RAVER2: variants seen among roughly 807,000 people sequenced by gnomAD.
The protein encoded by RAVER2 is ribonucleoprotein PTB-binding 2.
In RAVER2, 46 loss-of-function variants were observed where a neutral mutation model predicts 78.1. That is an observed-to-expected ratio of 0.59 (90% confidence interval 0.46 to 0.75). The LOEUF (loss-of-function observed/expected upper bound fraction) is 0.75, where lower values mean the gene tolerates loss of function less well. Ranked by LOEUF, RAVER2 falls within the 30% of genes least tolerant of loss-of-function variation. The probability of loss-of-function intolerance (pLI) is 0.00; values close to 1 mark genes in which losing one functional copy is unlikely to be tolerated. For synonymous variants in RAVER2, 311 were observed against 313.3 expected (o/e 0.99, Z 0.08); for missense variants, 793 against 837.5 (o/e 0.95, Z 0.66).
chr1:64,781,406 T>C, exon 4 of RAVER2: 1 of 1,611,234 alleles, frequency 6.2e-7, no homozygotes, highest in Non-Finnish European at 8.5e-7. Flanking sequence ...GTAGTTACGT[T>C]GGTGGCTTTG....
intron 11 of RAVER2, among the ~76,000 whole-genome samples, chr1:64,820,459 A>G (rs1401348504): frequency 1.3e-5 from 2 of 152,178 alleles, no homozygotes; most frequent in African/African-American, 4.8e-5. Flanking sequence ...TGTTTATTAC[A>G]TAAGTAAACA....
intron 1 of RAVER2, among the ~76,000 whole-genome samples, chr1:64,747,060 G>A (rs1651559669): frequency 6.6e-6 from 1 of 151,998 alleles, no homozygotes; most frequent in South Asian, 2.1e-4. Context: ...CTTTGCTGTT[G>A]GTATCTTTCT....
chr1:64,801,350 T>G (rs1001621074), intron 5 of RAVER2, among the ~76,000 whole-genome samples: 2 of 151,390 alleles, frequency 1.3e-5, no homozygotes, highest in Non-Finnish European at 1.5e-5. Flanking sequence ...CCGCCCACCT[T>G]GGCCTTCCAA....
chr1:64,798,645 CA>C (rs1327715799), intron 5 of RAVER2, among the ~76,000 whole-genome samples: 1 of 152,064 alleles, frequency 6.6e-6, no homozygotes, highest in Non-Finnish European at 1.5e-5. Context: ...ATAGGTAATA[CA>C]TCTAGGGCTT....
Position 64,748,811 on chromosome 1 carries a change from C to G in RAVER2, c.249+3390C>G, listed in dbSNP as rs1423938352. Among the ~76,000 whole-genome samples, 4 of 152,244 alleles carry G rather than the reference C, an allele frequency of 2.6e-5. No individual in the cohort carries two copies. In the East Asian group the frequency reaches 7.7e-4, roughly 29 times the overall value. ...AGGCTTTTTGTGTGTTGGCCCCTGCCTACGTTTCCAGTCTCATTCCTTTTT... is the reference window on the plus strand; with the variant it reads ...AGGCTTTTTGTGTGTTGGCCCCTGCGTACGTTTCCAGTCTCATTCCTTTTT... On this transcript the variant is annotated intron_variant, in intron 1 of 11. Transcript: ENST00000294428.
At position 64,773,898 on chromosome 1, in the gene RAVER2, T is replaced by C. The variant is rs112867716; in HGVS notation, c.317-3725T>C. ...CTAACTGGTGTGAGATGGTATCTCATTGTGGTTTTGATTTGCATTTCTCTG... is the reference window on the plus strand; with the variant it reads ...CTAACTGGTGTGAGATGGTATCTCACTGTGGTTTTGATTTGCATTTCTCTG... On this transcript the variant is annotated intron_variant, in intron 2 of 11. Transcript: ENST00000294428. Among the ~76,000 whole-genome samples, 364 of 152,300 alleles carry C rather than the reference T, an allele frequency of 2.4e-3. 3 individuals are homozygous for C. The highest frequency in any genetic ancestry group is 8.4e-3 in the African/African-American group (350 of 41,582).
intron 1 of RAVER2, among the ~76,000 whole-genome samples, chr1:64,762,486 G>A (rs1652049552): frequency 6.6e-6 from 1 of 151,334 alleles, no homozygotes; most frequent in Non-Finnish European, 1.5e-5. Context: ...AAACTTGGAA[G>A]ACTTACACTA....
At chr1:64,812,885 T>C (rs1453623094) in intron 10 of RAVER2, 36 bp downstream of exon 10, 8 of 1,418,402 alleles carry the variant, frequency 5.6e-6, no homozygotes, top group African/African-American at 1.5e-5. Flanking sequence ...TGTGGAGTTT[T>C]ACTGAATACT....
At chr1:64,810,530 A>C (rs1452509424) in intron 9 of RAVER2, among the ~76,000 whole-genome samples, 1 of 152,084 alleles carries the variant, frequency 6.6e-6, no homozygotes, top group Non-Finnish European at 1.5e-5. Flanking sequence ...CAAAGGCCCC[A>C]CCTTCTAAGA....
At chr1:64,773,576 A>C (rs939415239) in intron 2 of RAVER2, among the ~76,000 whole-genome samples, 4 of 152,134 alleles carry the variant, frequency 2.6e-5, no homozygotes, top group Non-Finnish European at 5.9e-5. Context: ...AATCCAGTCT[A>C]TCATTGTTGG....
At chr1:64,817,614 G>A (rs927567758) in intron 11 of RAVER2, among the ~76,000 whole-genome samples, 3 of 152,092 alleles carry the variant, frequency 2.0e-5, no homozygotes, top group African/African-American at 4.8e-5. Flanking sequence ...GGACATGGAC[G>A]AAGCTGGAAA....
rs1287094112 is a variant in RAVER2, at chr1:64,824,968, G to A, written c.1930-5871G>A. ...AAAAAAAAAAAAAAAAATTAGTGCT[G>A]TGCAATACCTTTTTGGGGATGAATC... On this transcript the variant is annotated intron_variant, in intron 11 of 11. Transcript: ENST00000294428. Among the ~76,000 whole-genome samples, 3 of 131,054 alleles carry A rather than the reference G, an allele frequency of 2.3e-5. No homozygotes were observed. The South Asian group carries it at 6.6e-4, about 29-fold the overall frequency. 86.0% of individuals were successfully genotyped at this position (131,054 alleles called of 152,430 possible).
Position 64,812,652 on chromosome 1 carries a change from A to G in RAVER2, c.1681-86A>G, listed in dbSNP as rs558601421. 2.8e-5 allele frequency: 22 copies of G among 798,388 alleles called. No homozygotes were observed. In the South Asian group the frequency reaches 4.2e-4, roughly 15 times the overall value. The allele number at this position is 798,388 out of a possible 1,614,324, so 49.5% of individuals were successfully genotyped here. A position where few individuals can be genotyped will look rare whatever the true frequency, so the allele number is the denominator to read the frequency against. On this transcript the variant is annotated intron_variant, in intron 9 of 11. Coordinates refer to ENST00000294428, the Ensembl canonical transcript of RAVER2. ...AATATTTCATAAGTACACTAGATGT[A>G]TTGAAAAATAAGTATTTCTCTATTC...
At chr1:64,804,932 A>G in intron 7 of RAVER2, 59 bp from the exon 8 acceptor site, 1 of 1,549,432 alleles carries the variant, frequency 6.5e-7, no homozygotes, top group Non-Finnish European at 8.9e-7. Context: ...TCACGTGTGT[A>G]GCTTTTTTTA....
chr1:64,768,794 A>G (rs1398430370), intron 2 of RAVER2, 72 bp downstream of exon 2: 4 of 976,104 alleles, frequency 4.1e-6, no homozygotes, highest in Non-Finnish European at 6.3e-6. Context: ...AAAAAAGCTC[A>G]GTGTCTTTTC....
intron 2 of RAVER2, among the ~76,000 whole-genome samples, chr1:64,773,369 G>A (rs12044036): frequency 0.047 from 7,080 of 151,640 alleles, 401 homozygotes; most frequent in East Asian, 0.27. Flanking sequence ...AGTGTGTGAT[G>A]TTCCCCTCCC....
intron 11 of RAVER2, among the ~76,000 whole-genome samples, chr1:64,822,340 AAGAG>A (rs1045159397): frequency 1.3e-5 from 2 of 152,332 alleles, no homozygotes; most frequent in African/African-American, 4.8e-5. Context: ...AATATCAATA[AAGAG>A]AGAGAAATTA....
intron 1 of RAVER2, among the ~76,000 whole-genome samples, chr1:64,767,772 C>T (rs898630687): frequency 2.0e-5 from 3 of 151,940 alleles, no homozygotes; most frequent in African/African-American, 4.8e-5. Flanking sequence ...TGAGTGCCTA[C>T]GATATGCAAA....
chr1:64,810,424 C>T (rs142914082), intron 9 of RAVER2, among the ~76,000 whole-genome samples: 1 of 152,278 alleles, frequency 6.6e-6, no homozygotes, highest in Non-Finnish European at 1.5e-5. Context: ...TCCATTTTCA[C>T]ATGGTAAAAG....
Sources: allele counts gnomAD v4.1 joint callset (sites outside exome capture counted in the v4.1 genomes callset), GRCh38; gene constraint gnomAD v4.1.1; transcripts MANE v1.5; gene names NCBI Gene and HGNC (gene_info 2026-07-23, HGNC 2026-07-21).